The following AKAP6 variants were observed in gnomAD, a reference collection of about 807,000 sequenced individuals.
The protein encoded by AKAP6 is A-kinase anchoring protein 6.
In AKAP6, 58 loss-of-function variants were observed where a neutral mutation model predicts 188.5. That is an observed-to-expected ratio of 0.31 (90% CI 0.25 to 0.38). AKAP6 has a LOEUF of 0.38. Among genes scored for constraint, AKAP6 ranks in the 10% least tolerant of loss-of-function variants. AKAP6 has a pLI of 1.00. For missense variants in AKAP6, 2,710 were observed against 2,740.0 expected, an observed-to-expected ratio of 0.99 and a Z score of 0.24; for synonymous variants, 989 against 998.6, an observed-to-expected ratio of 0.99 and a Z score of 0.18.
At chr14:32,615,030 G>A (rs1302646742) in intron 7 of AKAP6, among the ~76,000 whole-genome samples, 5 of 151,484 alleles carry the variant, frequency 3.3e-5, no homozygotes, top group South Asian at 4.2e-4. Context: ...TTAGCTGGGC[G>A]TGGTGGTGCA....
chr14:32,390,779 C>T (rs992785403), intron 1 of AKAP6, among the ~76,000 whole-genome samples: 3 of 152,036 alleles, frequency 2.0e-5, no homozygotes, highest in Non-Finnish European at 4.4e-5. Flanking sequence ...CAATGTGTTG[C>T]CTTCAGGGGG....
intron 7 of AKAP6, among the ~76,000 whole-genome samples, chr14:32,655,562 T>C (rs1445142242): frequency 1.3e-5 from 2 of 152,160 alleles, no homozygotes; most frequent in Admixed American, 6.6e-5. Context: ...CAGTGATACA[T>C]AGTGGATGAA....
At chr14:32,539,184 G>A (rs894319434) in intron 3 of AKAP6, among the ~76,000 whole-genome samples, 4 of 152,210 alleles carry the variant, frequency 2.6e-5, no homozygotes, top group Admixed American at 2.0e-4. Flanking sequence ...ACAGATGAGA[G>A]AATTGGGGTC....
intron 2 of AKAP6, among the ~76,000 whole-genome samples, chr14:32,516,362 A>G (rs1881521445): frequency 1.3e-5 from 2 of 152,152 alleles, no homozygotes; most frequent in African/African-American, 2.4e-5. Context: ...TAAATTCCCA[A>G]TTTTTAAAAC....
intron 2 of AKAP6, among the ~76,000 whole-genome samples, chr14:32,462,940 T>A (rs1471723188): frequency 7.4e-4 from 40 of 53,812 alleles, no homozygotes; most frequent in African/African-American, 8.9e-4. Flanking sequence ...GGGGTTGCAA[T>A]CCTAATCTCT....
chr14:32,382,105 C>A (rs1339850644), intron 1 of AKAP6, among the ~76,000 whole-genome samples: 2 of 152,176 alleles, frequency 1.3e-5, no homozygotes, highest in Non-Finnish European at 2.9e-5. Flanking sequence ...AGTCACCTAG[C>A]AGGTCCTTAG....
chr14:32,529,963 C>G (rs1394902450), intron 2 of AKAP6, among the ~76,000 whole-genome samples: 38 of 62,018 alleles, frequency 6.1e-4, no homozygotes, highest in African/African-American at 1.9e-3. Flanking sequence ...GGTAAAGAAA[C>G]TTTTTTTTTT....
chr14:32,712,917 G>A (rs2139758400), intron 9 of AKAP6, among the ~76,000 whole-genome samples: 1 of 152,160 alleles, frequency 6.6e-6, no homozygotes, highest in South Asian at 2.1e-4. Flanking sequence ...GAATGGTGAA[G>A]CCTTTTCAGA....
intron 1 of AKAP6, among the ~76,000 whole-genome samples, chr14:32,334,472 A>C (rs1439029022): frequency 3.9e-5 from 6 of 152,186 alleles, no homozygotes; most frequent in Non-Finnish European, 8.8e-5. Flanking sequence ...TATTTTACTT[A>C]ATAATGACTC....
chr14:32,500,677 C>T (rs1880567110), intron 2 of AKAP6, among the ~76,000 whole-genome samples: 1 of 152,070 alleles, frequency 6.6e-6, no homozygotes, highest in Admixed American at 6.6e-5. Context: ...TCTTAATTAC[C>T]ATATATGGGG....
At chr14:32,759,751 T>G (rs1468182000) in intron 11 of AKAP6, among the ~76,000 whole-genome samples, 1 of 151,462 alleles carries the variant, frequency 6.6e-6, no homozygotes, top group Non-Finnish European at 1.5e-5. Context: ...GATGGGGAGG[T>G]GCCACACACT....
At chr14:32,513,751 C>A (rs1214435356) in intron 2 of AKAP6, among the ~76,000 whole-genome samples, 1 of 152,038 alleles carries the variant, frequency 6.6e-6, no homozygotes, top group Non-Finnish European at 1.5e-5. Context: ...CAATAAAAAT[C>A]ATTTGTAATG....
intron 1 of AKAP6, among the ~76,000 whole-genome samples, chr14:32,375,500 C>CAAAAA (rs35341541): frequency 7.8e-6 from 1 of 127,822 alleles, no homozygotes; most frequent in Non-Finnish European, 1.7e-5. Flanking sequence ...TTAGAGTAAG[C>CAAAAA]AAAAAAAAAA....
intron 12 of AKAP6, among the ~76,000 whole-genome samples, chr14:32,798,767 G>A (rs1280538518): frequency 6.6e-6 from 1 of 151,938 alleles, no homozygotes; most frequent in East Asian, 1.9e-4. Context: ...CTACCTATCA[G>A]GTACTGTACT....
chr14:32,610,669 T>C (rs1449153545), intron 7 of AKAP6, among the ~76,000 whole-genome samples: 1 of 152,188 alleles, frequency 6.6e-6, no homozygotes, highest in East Asian at 1.9e-4. Context: ...AGGTCTCTAA[T>C]ATTTGGCAAA....
chr14:32,600,297 G>A (rs577740847), intron 6 of AKAP6, among the ~76,000 whole-genome samples: 2 of 152,166 alleles, frequency 1.3e-5, no homozygotes, highest in East Asian at 3.9e-4. Context: ...TACACACAGA[G>A]CCTTTTATTT....
chr14:32,434,004 T>A, intron 2 of AKAP6, 187 bp downstream of exon 2: 1 of 609,224 alleles, frequency 1.6e-6, no homozygotes, highest in Non-Finnish European at 2.8e-6. Context: ...CTACATGTGC[T>A]GATTATCTAG....
At chr14:32,673,223 C>T (rs1258113548) in intron 7 of AKAP6, among the ~76,000 whole-genome samples, 1 of 152,170 alleles carries the variant, frequency 6.6e-6, no homozygotes, top group Non-Finnish European at 1.5e-5. Flanking sequence ...GCTCCATACC[C>T]CCAACCCCCA....
intron 4 of AKAP6, among the ~76,000 whole-genome samples, chr14:32,551,773 C>G (rs558930193): frequency 6.6e-6 from 1 of 151,530 alleles, no homozygotes; most frequent in African/African-American, 2.4e-5. Context: ...ATTCTCCTGC[C>G]TCTGCCTTCT....
Sources: allele counts gnomAD v4.1 joint callset (sites outside exome capture counted in the v4.1 genomes callset), GRCh38; gene constraint gnomAD v4.1.1; transcripts MANE v1.5; gene names NCBI Gene and HGNC (gene_info 2026-07-23, HGNC 2026-07-21).